SVIL: variants seen among roughly 807,000 people sequenced by gnomAD.
SVIL encodes the protein supervillin.
A neutral mutation model predicts 240.4 loss-of-function variants in SVIL; 101 were observed. That is an observed-to-expected ratio of 0.42 (90% CI 0.36 to 0.50). SVIL has a LOEUF of 0.50. SVIL is among the 20% of genes least tolerant of loss of function. SVIL has a pLI of 0.01. For synonymous variants in SVIL, 999 were observed against 1,100.0 expected, an observed-to-expected ratio of 0.91 and a Z score of 1.82; for missense variants, 2,512 against 2,818.7, an observed-to-expected ratio of 0.89 and a Z score of 2.46.
At chr10:29,480,509 C>A (rs1946715604) in intron 29 of SVIL, 28 bp downstream of exon 29, 1 of 1,606,210 alleles carries the variant, frequency 6.2e-7, no homozygotes, top group African/African-American at 1.3e-5. Context: ...CCTCTTTCAG[C>A]TGGAAAAAAC....
At chr10:29,619,279 G>A (rs2488687) in intron 1 of SVIL, among the ~76,000 whole-genome samples, 1,593 of 152,320 alleles carry the variant, frequency 0.01, 14 homozygotes, top group Middle Eastern at 0.068. Context: ...CAAATGGATT[G>A]TGACTCCCTG....
chr10:29,489,268 G>A (rs769837067), intron 22 of SVIL, among the ~76,000 whole-genome samples: 1 of 152,192 alleles, frequency 6.6e-6, no homozygotes, highest in Non-Finnish European at 1.5e-5. Flanking sequence ...GAGATCTTCT[G>A]CTCTTAGAGT....
intron 1 of SVIL, among the ~76,000 whole-genome samples, chr10:29,724,404 C>CACAT (rs1244375536): frequency 2.7e-5 from 4 of 146,766 alleles, no homozygotes; most frequent in Non-Finnish European, 6.1e-5. Flanking sequence ...CACATACACA[C>CACAT]AGATGTTGGG....
intron 1 of SVIL, among the ~76,000 whole-genome samples, chr10:29,627,566 T>C (rs1244451104): frequency 1.3e-5 from 2 of 152,186 alleles, no homozygotes; most frequent in Non-Finnish European, 2.9e-5. Context: ...AAACAAAGCA[T>C]GTTGGCTGTT....
At chr10:29,557,100 C>T (rs1273981472) in intron 3 of SVIL, among the ~76,000 whole-genome samples, 1 of 151,984 alleles carries the variant, frequency 6.6e-6, no homozygotes, top group East Asian at 1.9e-4. Flanking sequence ...TTTCTCCCCC[C>T]TCCCTTTCTT....
At chr10:29,622,222 C>T (rs1957680346) in intron 1 of SVIL, among the ~76,000 whole-genome samples, 1 of 123,704 alleles carries the variant, frequency 8.1e-6, no homozygotes, top group African/African-American at 3.0e-5. Context: ...TGCACTCCAG[C>T]CTGGGCGACA....
chr10:29,664,186 A>T (rs1959190310), intron 2 of SVIL, among the ~76,000 whole-genome samples: 1 of 152,356 alleles, frequency 6.6e-6, no homozygotes, highest in East Asian at 1.9e-4. Flanking sequence ...CCAAAATCAC[A>T]AGTGGAAAAA....
chr10:29,553,243 C>T (rs905005777), intron 5 of SVIL, among the ~76,000 whole-genome samples: 19 of 151,504 alleles, frequency 1.3e-4, no homozygotes, highest in African/African-American at 4.4e-4. Flanking sequence ...ATGAGATCAA[C>T]AGCTGTCTCT....
chr10:29,499,605 G>A (rs7898981), intron 17 of SVIL, among the ~76,000 whole-genome samples: 6,390 of 152,178 alleles, frequency 0.042, 354 homozygotes, highest in African/African-American at 0.13. Context: ...AAGTTTCTCT[G>A]TCTTAACCCA....
chr10:29,532,733 G>T lies in SVIL; in HGVS notation c.1634C>A (p.Thr545Asn), dbSNP rs1951463473. 6.2e-7 allele frequency: 1 copy of T among 1,614,088 alleles called. No individual in the cohort carries two copies. Among genetic ancestry groups the T allele is most frequent in the South Asian group, 1.1e-5 (1 of 91,090 alleles). The change falls in exon 8 of 38, where the codon ACC becomes AAC. Residue 545 changes from threonine to asparagine, a missense_variant. By Grantham distance (65) the Thr-to-Asn change is moderately conservative (BLOSUM62 0). Transcript: ENST00000355867. ...REASKKRKVRTRSLSDFTGPP... is the reference protein window; with the variant it reads ...REASKKRKVRNRSLSDFTGPP... ...GCCTGTGAAATCTGACAGAGAGCGGGTACGGACCTTGCGCTTTTTCGAGGC... is the reference window on the plus strand; with the variant it reads ...GCCTGTGAAATCTGACAGAGAGCGGTTACGGACCTTGCGCTTTTTCGAGGC...
intron 1 of SVIL, among the ~76,000 whole-genome samples, chr10:29,603,214 C>T (rs1956882377): frequency 6.6e-6 from 1 of 151,170 alleles, no homozygotes; most frequent in Non-Finnish European, 1.5e-5. Context: ...GTGAAAGATC[C>T]CCCACAAACC....
rs193102683 is a variant in SVIL, at chr10:29,680,173, A to G, written c.-301+6380T>C. Among the ~76,000 whole-genome samples, 28 of 152,304 alleles carry G rather than the reference A, an allele frequency of 1.8e-4. No homozygotes were observed. The East Asian group carries it at 5.4e-3, about 29-fold the overall frequency. On this transcript the variant is annotated intron_variant, in intron 2 of 35. Coordinates refer to the SVIL transcript ENST00000375400. ...GCATTCCAGCCTGGGTGACAGAATAAGATCCTATCTCAGTAATAATAAAAG... is the reference window on the plus strand; with the variant it reads ...GCATTCCAGCCTGGGTGACAGAATAGGATCCTATCTCAGTAATAATAAAAG...
chr10:29,645,912 A>C lies in SVIL; in HGVS notation c.-201+12057T>G, dbSNP rs145570331. Among the ~76,000 whole-genome samples the C allele has an allele frequency of 3.4e-3, 513 of 152,322 alleles. 2 individuals carry two copies. Among genetic ancestry groups the C allele is most frequent in the African/African-American group, 0.012 (482 of 41,576 alleles). ...AAGGGAAGAGAGAAAATAAATAAGC[A>C]AATACGTTTTCAAACAACTATAGTT... On this transcript the variant is annotated intron_variant, in intron 3 of 35. Coordinates refer to the SVIL transcript ENST00000375400.
chr10:29,717,901 C>T (rs544397406), intron 1 of SVIL, among the ~76,000 whole-genome samples: 13 of 152,036 alleles, frequency 8.6e-5, no homozygotes, highest in Non-Finnish European at 1.6e-4. Flanking sequence ...ATAGCTATAA[C>T]ATACATATCA....
At chr10:29,527,225 A>G (rs1950984752) in intron 12 of SVIL, among the ~76,000 whole-genome samples, 169 bp from the exon 13 acceptor site, 1 of 152,210 alleles carries the variant, frequency 6.6e-6, no homozygotes, top group Non-Finnish European at 1.5e-5. Context: ...AAAAGCAAAT[A>G]CAAACTCAGG....
At chr10:29,721,095 G>A (rs556671129) in intron 1 of SVIL, among the ~76,000 whole-genome samples, 159 of 152,134 alleles carry the variant, frequency 1.0e-3, no homozygotes, top group Non-Finnish European at 1.8e-3. Context: ...CAATCCACCC[G>A]CCTCAGCCTC....
intron 2 of SVIL, among the ~76,000 whole-genome samples, chr10:29,669,730 C>G (rs779716694): frequency 1.3e-5 from 2 of 152,074 alleles, no homozygotes; most frequent in Non-Finnish European, 2.9e-5. Flanking sequence ...AGATGGAGAT[C>G]GAGATGTTGG....
intron 3 of SVIL, among the ~76,000 whole-genome samples, chr10:29,557,573 T>A (rs2026669): frequency 0.3 from 46,087 of 152,052 alleles, 7,253 homozygotes; most frequent in African/African-American, 0.39. Flanking sequence ...AATTTTAAAA[T>A]TTTTCTATAG....
chr10:29,619,367 G>T (rs1353423266), intron 1 of SVIL, among the ~76,000 whole-genome samples: 2 of 152,202 alleles, frequency 1.3e-5, no homozygotes, highest in African/African-American at 4.8e-5. Context: ...CTGCCAAAAT[G>T]ATTTTGTTCA....
Sources: allele counts gnomAD v4.1 joint callset (sites outside exome capture counted in the v4.1 genomes callset), GRCh38; gene constraint gnomAD v4.1.1; transcripts MANE v1.5; gene names NCBI Gene and HGNC (gene_info 2026-07-23, HGNC 2026-07-21).